The following LMTK2 variants were observed in gnomAD, a reference collection of about 807,000 sequenced individuals.
LMTK2 encodes lemur tail kinase 2, also known as serine/threonine-protein kinase LMTK2.
In LMTK2, 37 loss-of-function variants were observed where a neutral mutation model predicts 127.5. That is an observed-to-expected ratio of 0.29 (90% CI 0.22 to 0.38). LMTK2 has a LOEUF of 0.38. LMTK2 is among the 10% of genes least tolerant of loss of function. The pLI is 1.00. For synonymous variants in LMTK2, 819 were observed against 810.1 expected, an observed-to-expected ratio of 1.01 and a Z score of -0.19; for missense variants, 1,694 against 1,920.3, an observed-to-expected ratio of 0.88 and a Z score of 2.20.
At position 98,190,801 on chromosome 7, in the gene LMTK2, G is replaced by A; in HGVS notation, c.1072G>A (p.Val358Ile). The stretch of plus-strand genomic sequence containing the variant: ...GTATTCAAACCTTTCCAACTTAGAT[G>A]TCCTCAACCAAGTCATTAGAGAGAG... Reference protein sequence around the residue: ...QPYSNLSNLDVLNQVIRERDT... With the variant: ...QPYSNLSNLDILNQVIRERDT... Residue 358 changes from valine (V) to isoleucine (I), a missense_variant, in exon 10 of 14, where the codon GTC (valine) becomes ATC (isoleucine). Coordinates refer to ENST00000297293, the MANE Select transcript of LMTK2 (RefSeq NM_014916.4). 6.2e-7 allele frequency: 1 copy of A among 1,614,098 alleles called. No homozygotes were observed. Among genetic ancestry groups the A allele is most frequent in the South Asian group, 1.1e-5 (1 of 91,080 alleles).
intron 7 of LMTK2, among the ~76,000 whole-genome samples, chr7:98,182,735 A>G (rs1325324325): frequency 6.6e-6 from 1 of 152,258 alleles, no homozygotes; most frequent in Non-Finnish European, 1.5e-5. Flanking sequence ...ACTTATGGGC[A>G]TATCCCCAAA....
intron 1 of LMTK2, among the ~76,000 whole-genome samples, chr7:98,127,767 A>G (rs1796463949): frequency 6.6e-6 from 1 of 152,234 alleles, no homozygotes; most frequent in Admixed American, 6.5e-5. Context: ...AAATACCCTG[A>G]TGTGGTTATT....
intron 11 of LMTK2, among the ~76,000 whole-genome samples, chr7:98,198,604 C>T (rs1336081578): frequency 2.0e-5 from 3 of 152,194 alleles, no homozygotes; most frequent in Admixed American, 1.3e-4. Context: ...ATTCTCCTGC[C>T]TCAGCCTCCT....
intron 3 of LMTK2, among the ~76,000 whole-genome samples, chr7:98,142,867 T>C (rs971286795): frequency 2.0e-5 from 3 of 152,220 alleles, no homozygotes; most frequent in African/African-American, 7.2e-5. Context: ...GCTTCTCTGC[T>C]CAGTAGGGAG....
At chr7:98,161,536 A>T (rs1237313473) in intron 6 of LMTK2, among the ~76,000 whole-genome samples, 1 of 152,110 alleles carries the variant, frequency 6.6e-6, no homozygotes, top group East Asian at 1.9e-4. Flanking sequence ...GTGACACAGG[A>T]TCAATTATTT....
chr7:98,177,269 G>T (rs1309430909), intron 7 of LMTK2, among the ~76,000 whole-genome samples: 1 of 152,090 alleles, frequency 6.6e-6, no homozygotes, highest in East Asian at 1.9e-4. Flanking sequence ...TAGTGAAGGT[G>T]GATAAAAACC....
chr7:98,144,247 G>T (rs893562497), intron 3 of LMTK2, among the ~76,000 whole-genome samples: 1 of 151,828 alleles, frequency 6.6e-6, no homozygotes, highest in African/African-American at 2.4e-5. Context: ...TGGCTAATAC[G>T]GTGAAACTCC....
chr7:98,169,163 C>T (rs572958857), intron 6 of LMTK2, among the ~76,000 whole-genome samples: 47 of 152,308 alleles, frequency 3.1e-4, no homozygotes, highest in South Asian at 2.5e-3. Flanking sequence ...CCTACACAAT[C>T]CATGACAAGT....
chr7:98,203,852 C>T, intron 12 of LMTK2, 92 bp from the exon 13 acceptor site: 1 of 1,585,168 alleles, frequency 6.3e-7, no homozygotes, highest in Non-Finnish European at 8.6e-7. Context: ...CGGGCTGTGT[C>T]TTCCGACCTG....
chr7:98,188,505 C>T (rs530564652), intron 9 of LMTK2, among the ~76,000 whole-genome samples: 1 of 152,088 alleles, frequency 6.6e-6, no homozygotes, highest in Admixed American at 6.6e-5. Flanking sequence ...GCTGTGTTGC[C>T]CAGGCTGGTC....
chr7:98,143,448 CAA>C (rs1426348900), intron 3 of LMTK2, among the ~76,000 whole-genome samples: 1 of 152,202 alleles, frequency 6.6e-6, no homozygotes, highest in African/African-American at 2.4e-5. Flanking sequence ...GGTTACATAT[CAA>C]GAGTACAAAC....
At chr7:98,203,801 C>A (rs1797744708) in intron 12 of LMTK2, 95 bp downstream of exon 12, 1 of 1,574,564 alleles carries the variant, frequency 6.4e-7, no homozygotes, top group African/African-American at 1.4e-5. Context: ...TTTAATGACG[C>A]CCCCTGACAT....
rs1425520167 is a variant in LMTK2, at chr7:98,107,278, C to T, written c.101C>T (p.Ala34Val). Residue 34 changes from alanine (A) to valine (V), a missense_variant and splice_region_variant, in exon 1 of 14, where the codon GCA becomes GTA. Coordinates refer to ENST00000297293, the MANE Select transcript of LMTK2 (RefSeq NM_014916.4). ...GCCGCGCCACTTCCGCAAACAGGTGCAGGTGAGCGGGCCCGCGGCGGGGAC... is the reference window on the plus strand; with the variant it reads ...GCCGCGCCACTTCCGCAAACAGGTGTAGGTGAGCGGGCCCGCGGCGGGGAC... ...AGAAPLPQTGAGEAPPAAEVS... is the reference protein window; with the variant it reads ...AGAAPLPQTGVGEAPPAAEVS... 9 of 1,381,834 alleles carry T rather than the reference C, an allele frequency of 6.5e-6. No homozygotes were observed. Among genetic ancestry groups the T allele is most frequent in the Non-Finnish European group, 8.4e-6 (9 of 1,071,652 alleles). The allele number at this position is 1,381,834 out of a possible 1,614,324, so 85.6% of individuals were successfully genotyped here. A position where few individuals can be genotyped will look rare whatever the true frequency, so the allele number is the denominator to read the frequency against.
chr7:98,129,517 A>G (rs1796492313), intron 1 of LMTK2, among the ~76,000 whole-genome samples: 1 of 151,892 alleles, frequency 6.6e-6, no homozygotes, highest in Admixed American at 6.6e-5. Context: ...GGTGTGTGTC[A>G]CCGTACCTGG....
In LMTK2 at chr7:98,193,654, C is replaced by T. The variant is rs769175441; in HGVS notation, c.3189C>T (p.Gly1063=). The T allele has an allele frequency of 1.2e-6, 2 of 1,613,926 alleles. No individual in the cohort carries two copies. Among genetic ancestry groups the T allele is most frequent in the South Asian group, 2.2e-5 (2 of 91,072 alleles). Residue 1063 remains glycine (G), a synonymous_variant, in exon 11 of 14, where the codon GGC becomes GGT. Transcript: ENST00000297293. The surrounding 1 kb of genome is among the most constrained non-coding windows in gnomAD (Gnocchi z 4.1). ...AACCAGCCACCACGGGCGATGGCGG[C>T]CACAGCGGTCTGCCTCCCAACCCGG... is the stretch of plus-strand genomic sequence containing the variant. ...DSEPATTGDG[G]HSGLPPNPVI...
intron 5 of LMTK2, among the ~76,000 whole-genome samples, chr7:98,155,886 TAAA>T (rs1796919394): frequency 6.6e-6 from 1 of 152,180 alleles, no homozygotes; most frequent in African/African-American, 2.4e-5. Flanking sequence ...TCATCAAAAT[TAAA>T]AACATTTGCG....
intron 1 of LMTK2, among the ~76,000 whole-genome samples, chr7:98,126,320 ACGT>A (rs1447752522): frequency 6.6e-6 from 1 of 152,138 alleles, no homozygotes; most frequent in Non-Finnish European, 1.5e-5. Context: ...CTTCCCCTAG[ACGT>A]TGGTGGTCCA....
intron 1 of LMTK2, among the ~76,000 whole-genome samples, chr7:98,123,604 A>G (rs1262788663): frequency 6.6e-6 from 1 of 151,996 alleles, no homozygotes; most frequent in Non-Finnish European, 1.5e-5. Context: ...GTGCCTTGGT[A>G]TGAGTCTCGT....
intron 10 of LMTK2, among the ~76,000 whole-genome samples, chr7:98,191,283 A>G (rs1031709556): frequency 5.3e-5 from 8 of 152,028 alleles, no homozygotes; most frequent in East Asian, 2.0e-4. Context: ...GCCAGGCACA[A>G]TGGCTCATCC....
Sources: gnomAD v4.1 joint callset for allele counts (sites outside exome capture counted in the v4.1 genomes callset) on GRCh38, gnomAD v4.1.1 for gene constraint, Gnocchi (gnomAD v3.1) non-coding constraint, MANE v1.5 for transcripts, NCBI Gene and HGNC (gene_info 2026-07-23, HGNC 2026-07-21) for gene names.